ANO2: variants seen among roughly 807,000 people sequenced by gnomAD.
ANO2 encodes the protein anoctamin 2.
Under a neutral mutation model 124.2 loss-of-function variants are expected in ANO2, and 101 were observed. That is an observed-to-expected ratio of 0.81 (90% CI 0.69 to 0.96). The LOEUF (loss-of-function observed/expected upper bound fraction) is 0.96, where lower values mean the gene tolerates loss of function less well. ANO2 is among the 40% of genes least tolerant of loss of function. The probability of loss-of-function intolerance (pLI) is 0.00; values close to 1 mark genes in which losing one functional copy is unlikely to be tolerated. For synonymous variants in ANO2, 486 were observed against 482.5 expected, an observed-to-expected ratio of 1.01 and a Z score of -0.09; for missense variants, 1,293 against 1,274.5, an observed-to-expected ratio of 1.01 and a Z score of -0.22.
At chr12:5,844,953 ATTTT>A (rs5796194) in intron 4 of ANO2, among the ~76,000 whole-genome samples, 1 of 138,230 alleles carries the variant, frequency 7.2e-6, no homozygotes, top group Non-Finnish European at 1.6e-5. Flanking sequence ...CAACCATGAA[ATTTT>A]TTTTTTTTTT....
At chr12:5,899,397 C>G (rs749646387) in intron 3 of ANO2, among the ~76,000 whole-genome samples, 1 of 152,210 alleles carries the variant, frequency 6.6e-6, no homozygotes, top group Non-Finnish European at 1.5e-5. Flanking sequence ...GAGATGCTCA[C>G]TCAGGCAACT....
rs546926924 is a variant in ANO2, at chr12:5,838,097, T to C, written c.634-5494A>G. 9.8e-5 allele frequency among the ~76,000 whole-genome samples: 15 copies of C among 152,362 alleles called. No individual in the cohort carries two copies. The South Asian group carries it at 3.1e-3, about 32-fold the overall frequency. On this transcript the variant is annotated intron_variant, in intron 4 of 24. Coordinates refer to ENST00000682330, the MANE Select transcript of ANO2 (RefSeq NM_001364791.2). The stretch of plus-strand genomic sequence containing the variant: ...CATCAATTGTTTCAGGGTCTGGCTC[T>C]GGCAGACGTTCAGCTGAGAACCTCC...
chr12:5,740,405 G>A (rs1299226070), intron 12 of ANO2: 2 of 167,926 alleles, frequency 1.2e-5, no homozygotes, highest in Non-Finnish European at 2.6e-5. Context: ...ATTTGAGTAA[G>A]TTGGAGTGAA....
At chr12:5,624,876 G>A (rs1208085157) in intron 16 of ANO2, among the ~76,000 whole-genome samples, 1 of 152,204 alleles carries the variant, frequency 6.6e-6, no homozygotes. Context: ...CTGAGGAGGT[G>A]ACCTCTAAGC....
At chr12:5,743,899 G>A (rs1951182948) in intron 12 of ANO2, among the ~76,000 whole-genome samples, 1 of 152,132 alleles carries the variant, frequency 6.6e-6, no homozygotes, top group Non-Finnish European at 1.5e-5. Flanking sequence ...TTCAAATTCT[G>A]AATAAATCAC....
At chr12:5,772,888 G>A (rs1427512692) in intron 10 of ANO2, among the ~76,000 whole-genome samples, 2 of 152,220 alleles carry the variant, frequency 1.3e-5, no homozygotes, top group Admixed American at 6.5e-5. Context: ...GATTAAACAC[G>A]TGCTGTCAAG....
intron 10 of ANO2, among the ~76,000 whole-genome samples, chr12:5,763,340 G>A (rs1311125987): frequency 2.6e-5 from 4 of 152,020 alleles, no homozygotes; most frequent in South Asian, 2.1e-4. Flanking sequence ...AATATGATAT[G>A]TCTTCGCATA....
At chr12:5,629,672 G>T (rs139589244) in intron 16 of ANO2, among the ~76,000 whole-genome samples, 70 of 152,178 alleles carry the variant, frequency 4.6e-4, no homozygotes, top group African/African-American at 1.6e-3. Context: ...TGGATCACTG[G>T]GGACTAAGAG....
intron 14 of ANO2, among the ~76,000 whole-genome samples, chr12:5,648,616 T>C (rs1946761981): frequency 6.6e-6 from 1 of 152,248 alleles, no homozygotes; most frequent in African/African-American, 2.4e-5. Context: ...ACAGCTCTGC[T>C]AATTAAACAG....
intron 3 of ANO2, among the ~76,000 whole-genome samples, chr12:5,911,340 G>C (rs1941035583): frequency 6.6e-6 from 1 of 152,120 alleles, no homozygotes; most frequent in African/African-American, 2.4e-5. Context: ...CTTTACAGCT[G>C]CTGTGACTGC....
intron 14 of ANO2, among the ~76,000 whole-genome samples, chr12:5,662,169 G>C (rs1055101875): frequency 1.2e-4 from 18 of 152,268 alleles, no homozygotes; most frequent in African/African-American, 4.3e-4. Context: ...GTGCCGCCAG[G>C]CCTGCAGCCA....
intron 10 of ANO2, among the ~76,000 whole-genome samples, chr12:5,796,963 G>A (rs1220585311): frequency 1.3e-5 from 2 of 152,220 alleles, no homozygotes; most frequent in Admixed American, 1.3e-4. Context: ...AGGAGGAACA[G>A]AAGCTTGGCG....
rs71579283 is a variant in ANO2, at chr12:5,827,534, C to T, written c.892+235G>A. Among the ~76,000 whole-genome samples, 433 of 152,284 alleles carry T rather than the reference C, an allele frequency of 2.8e-3. 2 individuals are homozygous for T. The highest frequency in any genetic ancestry group is 8.9e-3 in the South Asian group (43 of 4,822). ...AAAAGAGAAAGAGAAAGCCCGGAGA[C>T]CTGGGAGGAGGGCCTGGGAGAAGTT... On this transcript the variant is annotated intron_variant, in intron 7 of 24. Transcript: ENST00000682330.
intron 10 of ANO2, among the ~76,000 whole-genome samples, chr12:5,768,025 G>C (rs1412378372): frequency 6.6e-6 from 1 of 152,200 alleles, no homozygotes; most frequent in Non-Finnish European, 1.5e-5. Context: ...TGTGTACCGA[G>C]ATGTGTCCCT....
At chr12:5,812,372 AAAG>A (rs1443642771) in intron 7 of ANO2, among the ~76,000 whole-genome samples, 3 of 62,752 alleles carry the variant, frequency 4.8e-5, no homozygotes, top group African/African-American at 1.9e-4. Context: ...AGAGAAAGAA[AAAG>A]AAAGAAAGAA....
intron 4 of ANO2, among the ~76,000 whole-genome samples, chr12:5,834,099 G>T (rs917197077): frequency 6.6e-6 from 1 of 152,120 alleles, no homozygotes; most frequent in East Asian, 1.9e-4. Flanking sequence ...CTCCAAGCTG[G>T]CTACCACCAA....
In ANO2 at chr12:5,739,355, C is replaced by T. The variant is rs1472075750; in HGVS notation, c.1396G>A (p.Gly466Ser). ...ENWKRLQMRL[G>S]YFWDLTGIEE... is the part of the protein sequence containing the mutation. Reference sequence around the variant, plus strand: ...ATGCCAGTCAGGTCCCAAAAGTAGCCCAGTCGCATCTGTAGCCTCTTCCAG... The same window carrying T: ...ATGCCAGTCAGGTCCCAAAAGTAGCTCAGTCGCATCTGTAGCCTCTTCCAG... Residue 466 changes from glycine to serine, a missense_variant, in exon 13 of 25, where the codon GGC (glycine) becomes AGC (serine). By Grantham distance (56) the Gly-to-Ser change is moderately conservative (BLOSUM62 0). Coordinates refer to ENST00000682330, the MANE Select transcript of ANO2 (RefSeq NM_001364791.2). The T allele has an allele frequency of 1.2e-6, 2 of 1,607,636 alleles. No homozygotes were observed. Among genetic ancestry groups the T allele is most frequent in the Non-Finnish European group, 1.7e-6 (2 of 1,177,174 alleles).
At chr12:5,919,628 C>T (rs909532321) in intron 3 of ANO2, among the ~76,000 whole-genome samples, 1 of 151,228 alleles carries the variant, frequency 6.6e-6, no homozygotes. Flanking sequence ...AGATGAGGCC[C>T]GTGACCTGCA....
chr12:5,610,499 G>A (rs188442146), intron 19 of ANO2, among the ~76,000 whole-genome samples: 1,918 of 130,342 alleles, frequency 0.015, 23 homozygotes, highest in Non-Finnish European at 0.021. Context: ...ATTTCATATA[G>A]ATATAAATTT....
Sources: allele counts gnomAD v4.1 joint callset (sites outside exome capture counted in the v4.1 genomes callset), GRCh38; gene constraint gnomAD v4.1.1; transcripts MANE v1.5; gene names NCBI Gene and HGNC (gene_info 2026-07-23, HGNC 2026-07-21).